ENPP2: variants seen among roughly 807,000 people sequenced by gnomAD.
The protein encoded by ENPP2 is autotaxin.
A neutral mutation model predicts 120.2 loss-of-function variants in ENPP2; 51 were observed. The observed-to-expected ratio is 0.42, with a 90% CI of 0.34 to 0.54. The LOEUF (loss-of-function observed/expected upper bound fraction) is 0.54. Among genes scored for constraint, ENPP2 ranks in the 20% least tolerant of loss-of-function variants. The probability of loss-of-function intolerance (pLI) is 0.04; values close to 1 mark genes in which losing one functional copy is unlikely to be tolerated. For missense variants in ENPP2, 920 were observed against 1,066.5 expected, an observed-to-expected ratio of 0.86 and a Z score of 1.91; for synonymous variants, 365 against 366.4, an observed-to-expected ratio of 1.00 and a Z score of 0.04.
At chr8:119,624,392 A>G (rs774503959) in intron 3 of ENPP2, among the ~76,000 whole-genome samples, 4 of 152,184 alleles carry the variant, frequency 2.6e-5, no homozygotes, top group Non-Finnish European at 5.9e-5. Flanking sequence ...AGAGTATTCA[A>G]TGCTGAAAAG....
chr8:119,629,463 C>T (rs1816508748), intron 2 of ENPP2, among the ~76,000 whole-genome samples: 1 of 152,108 alleles, frequency 6.6e-6, no homozygotes, highest in African/African-American at 2.4e-5. Context: ...TCACCCAAGC[C>T]ATTTATCTGA....
intron 1 of ENPP2, among the ~76,000 whole-genome samples, chr8:119,667,405 T>C (rs1470829822): frequency 2.0e-5 from 3 of 152,246 alleles, no homozygotes; most frequent in Non-Finnish European, 4.4e-5. Context: ...TATCTCCTTG[T>C]GTCTCTTATT....
Position 119,623,947 on chromosome 8 carries a change from G to A in ENPP2, c.293-2428C>T, listed in dbSNP as rs142494648. 2.6e-4 allele frequency among the ~76,000 whole-genome samples: 40 copies of A among 152,116 alleles called. 1 individual carries two copies. The highest frequency in any genetic ancestry group is 8.2e-4 in the African/African-American group (34 of 41,506). Reference sequence around the variant, plus strand: ...AGCCATTCTAATTTTTTAATATCCCGTTTCCATTCCTATCTCTTCTCGAGG... The same window carrying A: ...AGCCATTCTAATTTTTTAATATCCCATTTCCATTCCTATCTCTTCTCGAGG... On this transcript the variant is annotated intron_variant, in intron 3 of 24. Coordinates refer to ENST00000075322, the MANE Select transcript of ENPP2 (RefSeq NM_001040092.3).
At chr8:119,667,287 A>T (rs1198814781) in intron 1 of ENPP2, among the ~76,000 whole-genome samples, 2 of 152,230 alleles carry the variant, frequency 1.3e-5, no homozygotes, top group Non-Finnish European at 1.5e-5. Flanking sequence ...TGCCTCTCCA[A>T]CTTTTCCAAG....
At chr8:119,664,684 G>C (rs1188408529) in intron 1 of ENPP2, among the ~76,000 whole-genome samples, 1 of 152,156 alleles carries the variant, frequency 6.6e-6, no homozygotes, top group Admixed American at 6.5e-5. Flanking sequence ...GCTCACACCT[G>C]TTACCCCAGC....
chr8:119,606,603 C>CT (rs888108928), intron 9 of ENPP2, among the ~76,000 whole-genome samples: 2 of 149,468 alleles, frequency 1.3e-5, no homozygotes, highest in African/African-American at 4.9e-5. Flanking sequence ...TCAGAAACCT[C>CT]TTTAAAAAAA....
At chr8:119,666,500 G>A (rs567005999) in intron 1 of ENPP2, among the ~76,000 whole-genome samples, 1 of 152,124 alleles carries the variant, frequency 6.6e-6, no homozygotes, top group South Asian at 2.1e-4. Context: ...AAGAAAAAAG[G>A]CTGGGCGTGA....
chr8:119,645,218 G>A (rs546802458), intron 1 of ENPP2, among the ~76,000 whole-genome samples: 7 of 152,182 alleles, frequency 4.6e-5, no homozygotes, highest in South Asian at 2.1e-4. Context: ...TCCTCTTTCC[G>A]CCGCAGCGTG....
At chr8:119,583,908 TCC>T in intron 16 of ENPP2, 52 bp downstream of exon 16, 16 of 1,454,184 alleles carry the variant, frequency 1.1e-5, no homozygotes, top group Non-Finnish European at 1.5e-5. Flanking sequence ...CCATTACTTA[TCC>T]TTTCGAAGAA....
At chr8:119,604,887 C>A (rs1172298103) in intron 9 of ENPP2, among the ~76,000 whole-genome samples, 1 of 152,104 alleles carries the variant, frequency 6.6e-6, no homozygotes, top group African/African-American at 2.4e-5. Flanking sequence ...CATTCTCCTG[C>A]CTCAGCCTCC....
At position 119,611,964 on chromosome 8, in the gene ENPP2, G is replaced by A. The variant is rs1344900449; in HGVS notation, c.778-3987C>T. On this transcript the variant is annotated intron_variant, in intron 8 of 24. Coordinates refer to ENST00000075322, the MANE Select transcript of ENPP2 (RefSeq NM_001040092.3). ...GAATCACTTGAACCCGGGAGGCGGA[G>A]GTTGCTGTGAGCCGAGACTGTGCCA... Among the ~76,000 whole-genome samples the A allele has an allele frequency of 2.0e-5, 3 of 152,308 alleles. No homozygotes were observed. The East Asian group carries it at 5.8e-4, about 29-fold the overall frequency.
At chr8:119,671,838 G>A (rs1323354351) in intron 1 of ENPP2, among the ~76,000 whole-genome samples, 2 of 152,198 alleles carry the variant, frequency 1.3e-5, no homozygotes, top group African/African-American at 4.8e-5. Context: ...AGAAGAAAGA[G>A]CAGTGCACAC....
chr8:119,648,048 G>A (rs1817523648), intron 1 of ENPP2, among the ~76,000 whole-genome samples: 1 of 152,148 alleles, frequency 6.6e-6, no homozygotes, highest in Admixed American at 6.5e-5. Flanking sequence ...ACTGACTTGA[G>A]TCTGCCTGTT....
At chr8:119,598,802 T>C (rs956007084) in intron 11 of ENPP2, among the ~76,000 whole-genome samples, 4 of 152,172 alleles carry the variant, frequency 2.6e-5, no homozygotes, top group Non-Finnish European at 5.9e-5. Context: ...AATGGTTCCA[T>C]GGAAGGGAGT....
At chr8:119,587,125 A>C in intron 13 of ENPP2, 50 bp from the exon 14 acceptor site, 1 of 1,484,842 alleles carries the variant, frequency 6.7e-7, no homozygotes. Context: ...ACCATTACCA[A>C]GAGAAATCAT....
Position 119,616,317 on chromosome 8 carries a change from A to G in ENPP2, c.725T>C (p.Phe242Ser), listed in dbSNP as rs755936544. Residue 242 changes from phenylalanine to serine, a missense_variant, in exon 8 of 25, where the codon TTT (phenylalanine) becomes TCT (serine). By Grantham distance (155) the Phe-to-Ser change is radical (BLOSUM62 -2). Coordinates refer to ENST00000075322, the MANE Select transcript of ENPP2 (RefSeq NM_001040092.3). ...AAATTTCTCTCGCCCTCGCAGATGA[A>G]AAGTGGCATCAAATACAGGATCATA... ...SMYDPVFDAT[F>S]HLRGREKFNH... 6.2e-7 allele frequency: 1 copy of G among 1,609,852 alleles called. No individual in the cohort carries two copies. Among genetic ancestry groups the G allele is most frequent in the South Asian group, 1.1e-5 (1 of 90,682 alleles).
chr8:119,644,652 A>G (rs574077371), intron 1 of ENPP2, among the ~76,000 whole-genome samples: 1,190 of 106,882 alleles, frequency 0.011, 13 homozygotes, highest in Non-Finnish European at 0.016. Context: ...ACACACATAT[A>G]GATATATATA....
chr8:119,612,344 CTT>C (rs528955707), intron 8 of ENPP2, among the ~76,000 whole-genome samples: 101 of 152,284 alleles, frequency 6.6e-4, no homozygotes, highest in African/African-American at 2.4e-3. Flanking sequence ...AATATTGTCT[CTT>C]TATCAGGACA....
chr8:119,657,835 G>A (rs1231052089), intron 1 of ENPP2, among the ~76,000 whole-genome samples: 1 of 152,184 alleles, frequency 6.6e-6, no homozygotes, highest in African/African-American at 2.4e-5. Context: ...AGAGTGTGTG[G>A]ACTCTTGCTG....
Sources: allele counts gnomAD v4.1 joint callset (sites outside exome capture counted in the v4.1 genomes callset), GRCh38; gene constraint gnomAD v4.1.1; transcripts MANE v1.5; gene names NCBI Gene and HGNC (gene_info 2026-07-23, HGNC 2026-07-21).